Variants in CCPG1 observed in about 807,000 individuals in gnomAD.
The protein encoded by CCPG1 is cell cycle progression 1, also known as cell cycle progression protein 1.
A neutral mutation model predicts 81.3 loss-of-function variants in CCPG1; 46 were observed. That is an observed-to-expected ratio of 0.57 (90% CI 0.45 to 0.72). CCPG1 has a LOEUF of 0.72. Ranked by LOEUF, CCPG1 falls within the 30% of genes least tolerant of loss-of-function variation. CCPG1 has a pLI of 0.00. For synonymous variants in CCPG1, 330 were observed against 305.2 expected, an observed-to-expected ratio of 1.08 and a Z score of -0.85; for missense variants, 902 against 937.6, an observed-to-expected ratio of 0.96 and a Z score of 0.50.
chr15:55,390,197 C>T (rs978433511), intron 1 of CCPG1, among the ~76,000 whole-genome samples: 2 of 152,224 alleles, frequency 1.3e-5, no homozygotes, highest in African/African-American at 2.4e-5. Flanking sequence ...GCTGGGATTA[C>T]AGGCGTGAAC....
intron 6 of CCPG1, among the ~76,000 whole-genome samples, chr15:55,369,017 C>A (rs978695112): frequency 6.6e-6 from 1 of 151,986 alleles, no homozygotes; most frequent in East Asian, 1.9e-4. Context: ...GAGGGTGAGA[C>A]AGAAGGATCG....
At chr15:55,373,345 G>A (rs2056494144) in intron 5 of CCPG1, among the ~76,000 whole-genome samples, 1 of 152,152 alleles carries the variant, frequency 6.6e-6, no homozygotes, top group African/African-American at 2.4e-5. Context: ...AAACATTCAT[G>A]CTCCAGAAAA....
At chr15:55,376,699 C>G (rs189207323) in intron 5 of CCPG1, among the ~76,000 whole-genome samples, 1 of 152,102 alleles carries the variant, frequency 6.6e-6, no homozygotes, top group Non-Finnish European at 1.5e-5. Flanking sequence ...TTTAACAAAT[C>G]TCACTGAAGC....
chr15:55,364,154 A>C (rs943961970), intron 7 of CCPG1, among the ~76,000 whole-genome samples: 2 of 150,634 alleles, frequency 1.3e-5, no homozygotes, highest in African/African-American at 4.8e-5. Flanking sequence ...CAACCTTCTT[A>C]GGAAAAAACT....
At chr15:55,365,410 CTT>C in intron 6 of CCPG1, 101 bp from the exon 7 acceptor site, 1 of 546,646 alleles carries the variant, frequency 1.8e-6, no homozygotes. Flanking sequence ...GCTATGTAGT[CTT>C]TTTTTTGTTT....
chr15:55,381,693 A>AT (rs1356778986), intron 3 of CCPG1, among the ~76,000 whole-genome samples: 5 of 152,188 alleles, frequency 3.3e-5, no homozygotes, highest in Non-Finnish European at 7.3e-5. Context: ...TTTTACTGTA[A>AT]TTTTTTTAAA....
chr15:55,397,429 A>G (rs1361860532), intron 1 of CCPG1, among the ~76,000 whole-genome samples: 1 of 142,896 alleles, frequency 7.0e-6, no homozygotes, highest in Non-Finnish European at 1.5e-5. Context: ...GCAAAGGCAG[A>G]AGCAAGAAGT....
chr15:55,356,624 G>A, intron 8 of CCPG1: 4 of 1,224,686 alleles, frequency 3.3e-6, no homozygotes, highest in South Asian at 3.6e-5. Flanking sequence ...TAACTCTACT[G>A]GCAAAAAAGG....
intron 3 of CCPG1, among the ~76,000 whole-genome samples, chr15:55,382,343 T>C (rs2056715473): frequency 6.6e-6 from 1 of 152,228 alleles, no homozygotes; most frequent in Non-Finnish European, 1.5e-5. Context: ...GTTTGTGTAA[T>C]ATTCTAAATC....
chr15:55,393,384 G>A (rs923515685), intron 1 of CCPG1, among the ~76,000 whole-genome samples: 2 of 152,126 alleles, frequency 1.3e-5, no homozygotes, highest in African/African-American at 2.4e-5. Context: ...AAGTTGCAGT[G>A]AGCTATGACT....
At chr15:55,358,733 C>G in intron 8 of CCPG1, 2 of 985,420 alleles carry the variant, frequency 2.0e-6, no homozygotes, top group Non-Finnish European at 2.4e-6. Flanking sequence ...CTTGTGAGCT[C>G]CTTTGAAGCA....
At chr15:55,366,756 G>C (rs558956825) in intron 6 of CCPG1, among the ~76,000 whole-genome samples, 1 of 152,218 alleles carries the variant, frequency 6.6e-6, no homozygotes, top group East Asian at 1.9e-4. Flanking sequence ...TGGGCAACAA[G>C]AGCGAAACTC....
intron 6 of CCPG1, among the ~76,000 whole-genome samples, chr15:55,365,927 A>C (rs1193060875): frequency 2.0e-5 from 3 of 151,788 alleles, no homozygotes; most frequent in African/African-American, 7.3e-5. Context: ...CCCTGTCTCT[A>C]CTAAAAATAA....
chr15:55,390,286 G>A (rs371961468), intron 1 of CCPG1, among the ~76,000 whole-genome samples: 1 of 152,190 alleles, frequency 6.6e-6, no homozygotes. Context: ...GTTGGGGCAG[G>A]GGGGAAGACA....
rs761342771 is a variant in CCPG1, at chr15:55,355,390, A to G, written c.*830T>C. 2.5e-6 allele frequency: 4 copies of G among 1,610,666 alleles called. No individual in the cohort carries two copies. The South Asian group carries it at 4.4e-5, about 18-fold the overall frequency. On this transcript the variant is annotated 3_prime_UTR_variant, in exon 9 of 9. Coordinates refer to ENST00000442196, the MANE Select transcript of CCPG1 (RefSeq NM_001204450.2). ...TTGGAAGTCACATATATGTCTATGA[A>G]CGGAAGTTAAAAGGGAAATTCAACA...
At chr15:55,356,892 T>C in intron 8 of CCPG1, 1 of 985,910 alleles carries the variant, frequency 1.0e-6, no homozygotes, top group African/African-American at 1.7e-5. Context: ...TGGAAGTCCA[T>C]ACTGTCATCC....
chr15:55,367,622 GAAA>G (rs34685266), intron 6 of CCPG1, among the ~76,000 whole-genome samples: 8 of 146,656 alleles, frequency 5.5e-5, no homozygotes, highest in African/African-American at 1.2e-4. Context: ...TTGTAGGGTG[GAAA>G]AAAAAAAAAA....
chr15:55,359,537 A>G lies in CCPG1; in HGVS notation c.2234+2T>C. ...TAATGACACGGTTTTATGTAAACCG[A>G]CCTGGGTCCATATGGAGGGGAAAAA... On this transcript the variant is annotated splice_donor_variant, in intron 8 of 8. Transcript: ENST00000442196. LOFTEE classifies it high-confidence loss of function. 6.3e-7 allele frequency: 1 copy of G among 1,599,086 alleles called. No individual in the cohort carries two copies. The highest frequency in any genetic ancestry group is 8.5e-7 in the Non-Finnish European group (1 of 1,174,572).
At chr15:55,398,167 CACA>C (rs1244295903) in intron 1 of CCPG1, 1 of 152,094 alleles carries the variant, frequency 6.6e-6, no homozygotes, top group African/African-American at 2.4e-5. Flanking sequence ...GTAAGAACAA[CACA>C]ACAACAGTAT....
Sources: allele counts gnomAD v4.1 joint callset (sites outside exome capture counted in the v4.1 genomes callset), GRCh38; gene constraint gnomAD v4.1.1; transcripts MANE v1.5; gene names NCBI Gene and HGNC (gene_info 2026-07-23, HGNC 2026-07-21).